TRIM16: variants seen among roughly 807,000 people sequenced by gnomAD.
The protein encoded by TRIM16 is tripartite motif-containing protein 16.
Under a neutral mutation model 50.4 loss-of-function variants are expected in TRIM16, and 33 were observed. The observed-to-expected ratio is 0.65, with a 90% CI of 0.50 to 0.88. TRIM16 has a LOEUF of 0.88. TRIM16 is among the 40% of genes least tolerant of loss of function. TRIM16 has a pLI of 0.00. For missense variants in TRIM16, 581 were observed against 686.8 expected, an observed-to-expected ratio of 0.85 and a Z score of 1.72; for synonymous variants, 229 against 270.7, an observed-to-expected ratio of 0.85 and a Z score of 1.51.
intron 3 of TRIM16, among the ~76,000 whole-genome samples, chr17:15,682,362 G>C (rs1989217280): frequency 6.6e-6 from 1 of 152,234 alleles, no homozygotes; most frequent in Non-Finnish European, 1.5e-5. Flanking sequence ...GGCTAAGGTA[G>C]AGTTAGGAAC....
At chr17:15,674,072 T>A (rs1184860993) in intron 6 of TRIM16, among the ~76,000 whole-genome samples, 1 of 152,070 alleles carries the variant, frequency 6.6e-6, no homozygotes, top group Non-Finnish European at 1.5e-5. Context: ...AGATTCCTCA[T>A]CAACAGAAGA....
intron 6 of TRIM16, chr17:15,658,815 C>G (rs1172058915): frequency 2.0e-6 from 2 of 985,414 alleles, no homozygotes; most frequent in Non-Finnish European, 2.4e-6. Context: ...GAGGTGCAGG[C>G]CCAATGAACT....
At chr17:15,638,257 T>TAAAAAA (rs1986941005) in intron 8 of TRIM16, among the ~76,000 whole-genome samples, 1,285 of 117,366 alleles carry the variant, frequency 0.011, 30 homozygotes, top group African/African-American at 0.058. Context: ...AAAAATAAAT[T>TAAAAAA]TAAAAAAAAA....
intron 6 of TRIM16, among the ~76,000 whole-genome samples, chr17:15,675,797 G>T (rs1481892834): frequency 6.8e-6 from 1 of 147,134 alleles, no homozygotes; most frequent in African/African-American, 2.5e-5. Context: ...ATATATACAT[G>T]TGTATATACA....
intron 4 of TRIM16, 60 bp from the exon 5 acceptor site, chr17:15,677,781 G>T (rs1293391910): frequency 5.1e-6 from 5 of 981,910 alleles, no homozygotes; most frequent in Non-Finnish European, 6.0e-6. Flanking sequence ...AGAGGAAATA[G>T]ATTAAACTAT....
At chr17:15,670,393 G>A (rs1365975845) in intron 6 of TRIM16, among the ~76,000 whole-genome samples, 1 of 152,102 alleles carries the variant, frequency 6.6e-6, no homozygotes, top group African/African-American at 2.4e-5. Flanking sequence ...CCCTCAATCA[G>A]CCGCTAATTT....
rs753657757 is a variant in TRIM16 at position 15,636,294 on chromosome 17, C to T, written c.616-25G>A. On this transcript the variant is annotated intron_variant, in intron 8 of 11. Transcript: ENST00000649191. ...CCTGGCAGGGGGTGGGGGTGGAAGG[C>T]AGCCAAACATTTCTTAGTGAGGCAT... The T allele has an allele frequency of 1.9e-6, 3 of 1,606,106 alleles. No individual in the cohort carries two copies. The East Asian group carries it at 6.9e-5, about 37-fold the overall frequency.
intron 6 of TRIM16, among the ~76,000 whole-genome samples, chr17:15,653,982 G>A (rs7207037): frequency 0.018 from 2,791 of 152,248 alleles, 73 homozygotes; most frequent in African/African-American, 0.063. Flanking sequence ...TTTGGAAGGC[G>A]AATGGAAGAG....
chr17:15,650,730 C>G (rs1020240188), intron 7 of TRIM16, among the ~76,000 whole-genome samples: 1 of 152,140 alleles, frequency 6.6e-6, no homozygotes, highest in Admixed American at 6.6e-5. Context: ...GATCCAGCCA[C>G]AGGGACATAT....
chr17:15,636,065 C>G lies in TRIM16; in HGVS notation c.820G>C (p.Ala274Pro). ...AAGAACTGGACAGTGTTGCTGATGG[C>G]CGCCATCCTCTCCAGCTCCTGCTTG... ...KSKQELERMA[A>P]ISNTVQFLEE... Residue 274 changes from alanine (A) to proline (P), a missense_variant, in exon 9 of 12, where the codon GCC (alanine) becomes CCC (proline). Ala to Pro is a conservative substitution (Grantham distance 27). Transcript: ENST00000649191. 1 of 1,610,016 alleles carries G rather than the reference C, an allele frequency of 6.2e-7. No homozygotes were observed. Among genetic ancestry groups the G allele is most frequent in the South Asian group, 1.1e-5 (1 of 90,406 alleles).
rs541578314 is a variant in TRIM16 at position 15,642,064 on chromosome 17, G to A, written c.615+657C>T. ...TCACCGTGTTGGCCAGACTGGTCTC[G>A]AACTCCTGACCTCAAGTGATCCACC... On this transcript the variant is annotated intron_variant, in intron 8 of 11. Coordinates refer to ENST00000649191, the MANE Select transcript of TRIM16 (RefSeq NM_001348119.1). Among the ~76,000 whole-genome samples, 547 of 148,562 alleles carry A rather than the reference G, an allele frequency of 3.7e-3. 29 individuals are homozygous for A. The highest frequency in any genetic ancestry group is 0.013 in the African/African-American group (519 of 39,928).
chr17:15,655,122 A>C (rs1240271901), intron 6 of TRIM16, among the ~76,000 whole-genome samples: 1 of 152,198 alleles, frequency 6.6e-6, no homozygotes, highest in Non-Finnish European at 1.5e-5. Context: ...CCCAGTCCAG[A>C]CCATTGTCAG....
chr17:15,664,276 T>C (rs1481210591), intron 6 of TRIM16, among the ~76,000 whole-genome samples: 1 of 152,210 alleles, frequency 6.6e-6, no homozygotes, highest in African/African-American at 2.4e-5. Flanking sequence ...GACGTAGCCT[T>C]AGGGAACCTA....
intron 7 of TRIM16, among the ~76,000 whole-genome samples, chr17:15,647,189 C>T (rs1987431750): frequency 6.6e-6 from 1 of 151,676 alleles, no homozygotes; most frequent in Admixed American, 6.6e-5. Context: ...TCAGGCTGGT[C>T]TCAAACTCCT....
chr17:15,649,151 A>G (rs1987558611), intron 7 of TRIM16, among the ~76,000 whole-genome samples: 2 of 151,708 alleles, frequency 1.3e-5, no homozygotes, highest in South Asian at 4.1e-4. Flanking sequence ...CTCTGTTGGT[A>G]CAGGCATAGA....
intron 7 of TRIM16, among the ~76,000 whole-genome samples, chr17:15,644,717 GACACTTACC>G (rs1987277669): frequency 6.6e-6 from 1 of 152,150 alleles, no homozygotes; most frequent in South Asian, 2.1e-4. Context: ...CTGGCATTCA[GACACTTACC>G]ACTTCAGAGA....
intron 6 of TRIM16, among the ~76,000 whole-genome samples, chr17:15,656,882 C>T (rs1988007362): frequency 6.6e-6 from 1 of 151,966 alleles, no homozygotes; most frequent in African/African-American, 2.4e-5. Flanking sequence ...CCCTCAGCCT[C>T]CCAAGTAGCT....
chr17:15,629,488 T>C (rs1162228602), intron 11 of TRIM16, among the ~76,000 whole-genome samples: 1 of 152,272 alleles, frequency 6.6e-6, no homozygotes, highest in Non-Finnish European at 1.5e-5. Flanking sequence ...CATGCATTCA[T>C]TCATTCATTC....
intron 8 of TRIM16, 41 bp downstream of exon 8, chr17:15,642,680 C>T (rs779410204): frequency 5.8e-6 from 4 of 686,498 alleles, no homozygotes; most frequent in South Asian, 3.4e-5. Flanking sequence ...AGTACCACGT[C>T]CCACACCCTC....
Sources: gnomAD v4.1 joint callset for allele counts (sites outside exome capture counted in the v4.1 genomes callset) on GRCh38, gnomAD v4.1.1 for gene constraint, MANE v1.5 for transcripts, NCBI Gene and HGNC (gene_info 2026-07-23, HGNC 2026-07-21) for gene names.